VAT1L: variants seen among roughly 807,000 people sequenced by gnomAD.
VAT1L encodes the protein putative NADPH-dependent quinone oxidoreductase VAT1L.
VAT1L carries 34 observed loss-of-function variants against 44.1 expected under a neutral mutation model. That is an observed-to-expected ratio of 0.77 (90% CI 0.59 to 1.03). The LOEUF (loss-of-function observed/expected upper bound fraction) is 1.03, where lower values mean the gene tolerates loss of function less well. Ranked by LOEUF, VAT1L falls within the 50% of genes least tolerant of loss-of-function variation. VAT1L has a pLI of 0.00. For missense variants in VAT1L, 615 were observed against 538.8 expected (o/e 1.14, Z -1.40); for synonymous variants, 253 against 202.2 (o/e 1.25, Z -2.13).
At chr16:77,838,002 G>GA (rs1171464727) in intron 3 of VAT1L, among the ~76,000 whole-genome samples, 1 of 152,170 alleles carries the variant, frequency 6.6e-6, no homozygotes, top group Non-Finnish European at 1.5e-5. Flanking sequence ...AAAGAAAGCC[G>GA]ATCTCATCTC....
chr16:77,976,948 C>A (rs1433019738), intron 8 of VAT1L, among the ~76,000 whole-genome samples: 1 of 152,152 alleles, frequency 6.6e-6, no homozygotes, highest in Non-Finnish European at 1.5e-5. Context: ...GTTGTTGTGT[C>A]TGCTCTTCTT....
intron 7 of VAT1L, among the ~76,000 whole-genome samples, chr16:77,962,051 C>G (rs943910249): frequency 1.4e-4 from 21 of 152,304 alleles, no homozygotes; most frequent in Admixed American, 7.2e-4. Flanking sequence ...TCTCCTCAGT[C>G]TCTATGTCAT....
Position 77,978,508 on chromosome 16 carries a change from C to T in VAT1L, c.*813C>T, listed in dbSNP as rs1171295679. On this transcript the variant is annotated 3_prime_UTR_variant, in exon 9 of 9. Transcript: ENST00000302536. ...ATTCAGAAGTCATTCCTGAGCATTG[C>T]TGGTGTTTGCACACTTGCCACCTGC... 6.6e-6 allele frequency: 1 copy of T among 152,216 alleles called. No individual in the cohort carries two copies. The highest frequency in any genetic ancestry group is 1.5e-5 in the Non-Finnish European group (1 of 68,048). 9.4% of individuals were successfully genotyped at this position (152,216 alleles called of 1,614,324 possible). A position where few individuals can be genotyped will look rare whatever the true frequency, so the allele number is the denominator to read the frequency against.
intron 3 of VAT1L, among the ~76,000 whole-genome samples, chr16:77,838,941 G>T (rs1473257909): frequency 1.3e-5 from 2 of 151,812 alleles, no homozygotes; most frequent in Non-Finnish European, 2.9e-5. Context: ...GGGGGTAACT[G>T]TGTTGGTCTC....
intron 1 of VAT1L, among the ~76,000 whole-genome samples, chr16:77,808,084 G>A (rs1309670620): frequency 1.3e-5 from 2 of 151,866 alleles, no homozygotes; most frequent in African/African-American, 2.4e-5. Context: ...GGGCCACCAA[G>A]CAGGAGGTAA....
At chr16:77,964,952 G>A (rs936655428) in intron 7 of VAT1L, among the ~76,000 whole-genome samples, 8 of 151,826 alleles carry the variant, frequency 5.3e-5, no homozygotes, top group African/African-American at 9.7e-5. Flanking sequence ...CACCATGCCC[G>A]GCTAATTTTG....
At position 77,934,178 on chromosome 16, in the gene VAT1L, T is replaced by A. The variant is rs964777524; in HGVS notation, c.1078-37672T>A. On this transcript the variant is annotated intron_variant, in intron 7 of 8. Coordinates refer to ENST00000302536, the MANE Select transcript of VAT1L (RefSeq NM_020927.3). ...CATTAGATTCAGGATATATTCTGGA[T>A]GTTAAACCAACCAGATTTATTGGCA... Among the ~76,000 whole-genome samples the A allele has an allele frequency of 2.6e-5, 4 of 152,126 alleles. No homozygotes were observed. In the East Asian group the frequency reaches 7.7e-4, roughly 29 times the overall value.
At chr16:77,891,855 C>G (rs1363011418) in intron 7 of VAT1L, among the ~76,000 whole-genome samples, 2 of 152,102 alleles carry the variant, frequency 1.3e-5, no homozygotes, top group African/African-American at 4.8e-5. Flanking sequence ...GGTGGATCAC[C>G]AGGTCAGGAG....
chr16:77,811,292 T>C (rs916163977), intron 1 of VAT1L, among the ~76,000 whole-genome samples: 25 of 152,346 alleles, frequency 1.6e-4, no homozygotes, highest in African/African-American at 6.0e-4. Flanking sequence ...ACTCCTTCTT[T>C]TGAGTCACTT....
chr16:77,862,986 T>A (rs2016932636), intron 4 of VAT1L, 96 bp downstream of exon 4: 2 of 1,427,366 alleles, frequency 1.4e-6, no homozygotes, highest in Non-Finnish European at 1.9e-6. Flanking sequence ...TAATAATATG[T>A]AGCAAACATA....
intron 4 of VAT1L, among the ~76,000 whole-genome samples, chr16:77,864,164 T>C (rs1196447542): frequency 6.6e-6 from 1 of 152,224 alleles, no homozygotes; most frequent in African/African-American, 2.4e-5. Context: ...GGCCCCAGGC[T>C]TGTTCTCAGG....
intron 1 of VAT1L, among the ~76,000 whole-genome samples, chr16:77,805,932 A>G (rs1597168646): frequency 7.2e-6 from 1 of 138,296 alleles, no homozygotes; most frequent in Non-Finnish European, 1.5e-5. Flanking sequence ...GTGAGATCTC[A>G]GATCACTGCA....
At chr16:77,900,512 T>A (rs914434981) in intron 7 of VAT1L, among the ~76,000 whole-genome samples, 1 of 151,852 alleles carries the variant, frequency 6.6e-6, no homozygotes, top group African/African-American at 2.4e-5. Flanking sequence ...CTGGGCAACA[T>A]GGTGAAACCC....
At chr16:77,878,256 C>A (rs375067121) in intron 5 of VAT1L, among the ~76,000 whole-genome samples, 40 of 152,284 alleles carry the variant, frequency 2.6e-4, no homozygotes, top group Admixed American at 7.2e-4. Flanking sequence ...ATGGCAAAAA[C>A]CACAGTTACT....
At chr16:77,924,143 G>T (rs562212626) in intron 7 of VAT1L, among the ~76,000 whole-genome samples, 5 of 152,148 alleles carry the variant, frequency 3.3e-5, no homozygotes, top group African/African-American at 1.2e-4. Flanking sequence ...TTCTCCCGGA[G>T]AAGCTATATT....
At chr16:77,904,598 C>G (rs1011117432) in intron 7 of VAT1L, among the ~76,000 whole-genome samples, 1 of 152,304 alleles carries the variant, frequency 6.6e-6, no homozygotes, top group East Asian at 1.9e-4. Context: ...AAGTGCCTCC[C>G]AAAGCCTCCA....
chr16:77,797,185 C>T (rs906177121), intron 1 of VAT1L, among the ~76,000 whole-genome samples: 1 of 151,632 alleles, frequency 6.6e-6, no homozygotes, highest in African/African-American at 2.4e-5. Context: ...TATCTTGGCT[C>T]ACTGCAACCT....
chr16:77,967,768 TAGTCTCC>T (rs2018238534), intron 7 of VAT1L, among the ~76,000 whole-genome samples: 1 of 152,190 alleles, frequency 6.6e-6, no homozygotes, highest in Non-Finnish European at 1.5e-5. Context: ...AAGTTGTTCC[TAGTCTCC>T]AAGGAGTTTT....
intron 1 of VAT1L, among the ~76,000 whole-genome samples, chr16:77,793,709 G>A (rs1340179188): frequency 6.6e-6 from 1 of 152,198 alleles, no homozygotes; most frequent in South Asian, 2.1e-4. Flanking sequence ...TGAAACTGCT[G>A]GAAAGACACC....
Sources: gnomAD v4.1 joint callset for allele counts (sites outside exome capture counted in the v4.1 genomes callset) on GRCh38, gnomAD v4.1.1 for gene constraint, MANE v1.5 for transcripts, NCBI Gene and HGNC (gene_info 2026-07-23, HGNC 2026-07-21) for gene names.